The following IFT140 variants were observed in gnomAD, a reference collection of about 807,000 sequenced individuals.
The protein encoded by IFT140 is intraflagellar transport protein 140 homolog.
Under a neutral mutation model 164.6 loss-of-function variants are expected in IFT140, and 133 were observed. That is an observed-to-expected ratio of 0.81 (90% confidence interval 0.70 to 0.93). IFT140 has a LOEUF of 0.93. Ranked by LOEUF, IFT140 falls within the 40% of genes least tolerant of loss-of-function variation. The pLI is 0.00. For synonymous variants in IFT140, 860 were observed against 817.3 expected, an observed-to-expected ratio of 1.05 and a Z score of -0.89; for missense variants, 2,045 against 1,972.3, an observed-to-expected ratio of 1.04 and a Z score of -0.70.
chr16:1,597,721 C>A (rs1306191288), intron 4 of IFT140, among the ~76,000 whole-genome samples: 2 of 152,224 alleles, frequency 1.3e-5, no homozygotes, highest in Admixed American at 1.3e-4. Context: ...TTCTGACTCA[C>A]AAGACTTGAT....
intron 19 of IFT140, among the ~76,000 whole-genome samples, chr16:1,528,477 ACAAG>A (rs1447069915): frequency 6.6e-6 from 1 of 151,564 alleles, no homozygotes; most frequent in Non-Finnish European, 1.5e-5. Context: ...GGATGCACAC[ACAAG>A]CACATGCACT....
intron 13 of IFT140, among the ~76,000 whole-genome samples, chr16:1,576,509 G>A (rs1163473695): frequency 4.0e-5 from 6 of 149,102 alleles, no homozygotes; most frequent in South Asian, 2.1e-4. Context: ...AGAGAATGGC[G>A]TGAACCCAGG....
rs370263158 is a variant in IFT140, at chr16:1,564,010, C to T, written c.2054G>A (p.Arg685His). Residue 685 changes from arginine (R) to histidine (H), a missense_variant, in exon 17 of 31, where the codon CGC (arginine) becomes CAC (histidine). Physicochemically the swap from Arg to His is conservative, Grantham distance 29 (BLOSUM62 0). Coordinates refer to ENST00000426508, the MANE Select transcript of IFT140 (RefSeq NM_014714.4). The surrounding 1 kb of genome is among the most constrained non-coding windows in gnomAD (Gnocchi z 5.5). ...GGCAGAGCGTACCGCAGGGCCAGCG[C>T]GCCCATCTTGGGGCTGCCCGTTTGC... ...QSANGQPQDGRAGPAADVLIL... is the reference protein window; with the variant it reads ...QSANGQPQDGHAGPAADVLIL... The T allele has an allele frequency of 9.5e-6, 15 of 1,583,124 alleles. No homozygotes were observed. The highest frequency in any genetic ancestry group is 1.4e-5 in the African/African-American group (1 of 74,070).
At chr16:1,525,358 C>T (rs2040656578) in intron 21 of IFT140, 32 bp from the exon 22 acceptor site, 12 of 1,537,526 alleles carry the variant, frequency 7.8e-6, no homozygotes, top group Non-Finnish European at 1.1e-5. Context: ...GTCCTCGTTC[C>T]CTCCCATCCC....
intron 4 of IFT140, among the ~76,000 whole-genome samples, chr16:1,598,775 G>A (rs1210239296): frequency 6.6e-6 from 1 of 152,256 alleles, no homozygotes; most frequent in Non-Finnish European, 1.5e-5. Context: ...TGAGGGCAAG[G>A]AGCAGCCGCC....
chr16:1,596,860 C>T (rs1408761646), intron 4 of IFT140, among the ~76,000 whole-genome samples: 6 of 151,718 alleles, frequency 4.0e-5, no homozygotes, highest in East Asian at 1.9e-4. Flanking sequence ...TTTTTGTACC[C>T]GTCACCACTC....
rs936599371 is a variant in IFT140 at position 1,531,119 on chromosome 16, C to G, written c.2400-4323G>C. On this transcript the variant is annotated intron_variant, in intron 19 of 30. Transcript: ENST00000426508. This position sits in a 1 kb window ranked among gnomAD's most constrained non-coding sequence, Gnocchi z 4.7. ...CGGCCGGCCAGGGCTCTCGGGACAG[C>G]CTCCACTCCGGTGTGGGGTTCTGGG... 3 of 152,284 alleles carry G rather than the reference C, an allele frequency of 2.0e-5. No homozygotes were observed. Among genetic ancestry groups the G allele is most frequent in the African/African-American group, 2.4e-5 (1 of 41,456 alleles). The allele number at this position is 152,284 out of a possible 1,614,324, so 9.4% of individuals were successfully genotyped here.
chr16:1,530,091 TC>T (rs1189083693), intron 19 of IFT140, among the ~76,000 whole-genome samples: 1 of 151,432 alleles, frequency 6.6e-6, no homozygotes, highest in Non-Finnish European at 1.5e-5. Flanking sequence ...AGACATGCAG[TC>T]TTTTTTACTC....
intron 10 of IFT140, among the ~76,000 whole-genome samples, chr16:1,585,740 TCA>T (rs2034834220): frequency 6.6e-6 from 1 of 151,790 alleles, no homozygotes; most frequent in Non-Finnish European, 1.5e-5. Context: ...AAAAATAGGT[TCA>T]GAGTCATTTA....
chr16:1,608,187 C>T (rs1319622038), intron 2 of IFT140, among the ~76,000 whole-genome samples: 1 of 152,198 alleles, frequency 6.6e-6, no homozygotes, highest in Non-Finnish European at 1.5e-5. Context: ...TTCATTCTTC[C>T]TTTCAGATCT....
intron 27 of IFT140, 128 bp from the exon 28 acceptor site, chr16:1,520,471 T>A (rs2040489138): frequency 4.5e-6 from 6 of 1,336,428 alleles, no homozygotes; most frequent in African/African-American, 4.3e-5. Flanking sequence ...TCTTAGTGGT[T>A]GTGCTCTTCC....
At chr16:1,543,486 T>A (rs1357987234) in intron 19 of IFT140, among the ~76,000 whole-genome samples, 2 of 152,164 alleles carry the variant, frequency 1.3e-5, no homozygotes, top group African/African-American at 4.8e-5. Context: ...GGGAGGGGCC[T>A]CGAGGCTTCA....
chr16:1,594,706 G>A (rs552673727), intron 4 of IFT140, among the ~76,000 whole-genome samples: 4 of 152,200 alleles, frequency 2.6e-5, no homozygotes, highest in African/African-American at 9.6e-5. Context: ...AGGGGAGGAC[G>A]GCTCCACAGG....
rs1339640657 is a variant in IFT140, at chr16:1,583,366, G to A, written c.1380C>T (p.Asn460=). The A allele has an allele frequency of 3.7e-6, 6 of 1,614,116 alleles. No homozygotes were observed. The highest frequency in any genetic ancestry group is 1.7e-5 in the Admixed American group (1 of 60,014). Residue 460 remains asparagine (N), a synonymous_variant, in exon 12 of 31, where the codon AAC becomes AAT. Coordinates refer to ENST00000426508, the MANE Select transcript of IFT140 (RefSeq NM_014714.4). ...GCTCGAAGATCGCCACCTGCCTTCC[G>A]TTCCAGACTGCGACAGCATCCTGAA... The part of the protein sequence containing the change: ...FATKDAVAVW[N]GRQVAIFELS...
At chr16:1,583,815 G>A (rs1478393402) in intron 11 of IFT140, among the ~76,000 whole-genome samples, 3 of 152,052 alleles carry the variant, frequency 2.0e-5, no homozygotes, top group African/African-American at 7.2e-5. Flanking sequence ...CACGATCTCA[G>A]CTCACAGCAA....
chr16:1,537,688 C>T (rs146847976), intron 19 of IFT140, among the ~76,000 whole-genome samples: 167 of 152,318 alleles, frequency 1.1e-3, no homozygotes, highest in African/African-American at 3.8e-3. Context: ...CACTTCGTCT[C>T]GTTTTGGATA....
intron 3 of IFT140, among the ~76,000 whole-genome samples, chr16:1,606,015 G>C (rs567721697): frequency 3.0e-4 from 46 of 152,200 alleles, no homozygotes; most frequent in Non-Finnish European, 6.0e-4. Flanking sequence ...CTGGAGCAGC[G>C]CATCTGCCAG....
intron 14 of IFT140, among the ~76,000 whole-genome samples, chr16:1,570,969 T>C (rs1409659364): frequency 6.6e-6 from 1 of 152,094 alleles, no homozygotes; most frequent in East Asian, 1.9e-4. Context: ...GTTGCCCAGG[T>C]TGGTCTCAAA....
chr16:1,609,797 A>T (rs1215824884), intron 2 of IFT140, among the ~76,000 whole-genome samples: 1 of 152,246 alleles, frequency 6.6e-6, no homozygotes, highest in Admixed American at 6.5e-5. Flanking sequence ...CTGACAATAA[A>T]ATAGTTATGT....
Sources: allele counts gnomAD v4.1 joint callset (sites outside exome capture counted in the v4.1 genomes callset), GRCh38; gene constraint gnomAD v4.1.1; non-coding constraint Gnocchi (gnomAD v3.1); transcripts MANE v1.5; gene names NCBI Gene and HGNC (gene_info 2026-07-23, HGNC 2026-07-21).